SLC49A4: variants seen among roughly 807,000 people sequenced by gnomAD.
SLC49A4 encodes the protein disrupted in renal cancer protein 2.
In SLC49A4, 36 loss-of-function variants were observed where a neutral mutation model predicts 50.6. That is an observed-to-expected ratio of 0.71 (90% CI 0.55 to 0.94). SLC49A4 has a LOEUF of 0.94. Among genes scored for constraint, SLC49A4 ranks in the 40% least tolerant of loss-of-function variants. The probability of loss-of-function intolerance (pLI) is 0.00; values close to 1 mark genes in which losing one functional copy is unlikely to be tolerated. For missense variants in SLC49A4, 503 were observed against 605.7 expected (o/e 0.83, Z 1.78); for synonymous variants, 248 against 241.2 (o/e 1.03, Z -0.26).
chr3:122,833,528 G>T, intron 4 of SLC49A4, 82 bp downstream of exon 4: 1 of 1,361,208 alleles, frequency 7.3e-7, no homozygotes. Context: ...ATTTAAGATA[G>T]TAATTTTTCA....
intron 4 of SLC49A4, among the ~76,000 whole-genome samples, chr3:122,834,384 T>C (rs1471660169): frequency 1.3e-5 from 2 of 152,116 alleles, no homozygotes; most frequent in Non-Finnish European, 2.9e-5. Context: ...CACAGTGGAA[T>C]AAAACTAGAA....
At chr3:122,871,387 T>C (rs1937195393) in intron 7 of SLC49A4, among the ~76,000 whole-genome samples, 1 of 152,178 alleles carries the variant, frequency 6.6e-6, no homozygotes, top group Non-Finnish European at 1.5e-5. Context: ...GCATCAGTTA[T>C]GGTAAACTCT....
chr3:122,847,935 T>C (rs1270553554), intron 5 of SLC49A4, among the ~76,000 whole-genome samples: 1 of 152,208 alleles, frequency 6.6e-6, no homozygotes, highest in Non-Finnish European at 1.5e-5. Context: ...CAAAATAAAC[T>C]TCAAACTTAA....
At chr3:122,841,920 C>T (rs561980987) in intron 4 of SLC49A4, among the ~76,000 whole-genome samples, 2 of 144,866 alleles carry the variant, frequency 1.4e-5, no homozygotes, top group Admixed American at 1.4e-4. Flanking sequence ...GCACGTCGTA[C>T]ATTGCCTTTC....
At chr3:122,846,252 AG>A (rs1936848479) in intron 5 of SLC49A4, among the ~76,000 whole-genome samples, 1 of 152,168 alleles carries the variant, frequency 6.6e-6, no homozygotes, top group Non-Finnish European at 1.5e-5. Context: ...GCTCCAAATA[AG>A]GGTATTTCAT....
chr3:122,823,124 C>G (rs1287717784), intron 2 of SLC49A4, among the ~76,000 whole-genome samples: 1 of 152,152 alleles, frequency 6.6e-6, no homozygotes, highest in Non-Finnish European at 1.5e-5. Flanking sequence ...CACACCCTGC[C>G]CTCTACCCTC....
intron 7 of SLC49A4, among the ~76,000 whole-genome samples, chr3:122,870,571 G>A (rs1016755833): frequency 2.0e-5 from 3 of 150,938 alleles, no homozygotes; most frequent in Non-Finnish European, 3.0e-5. Context: ...CACTTTGGGG[G>A]GCTGAGGCAG....
At chr3:122,874,947 T>A (rs1937246867) in intron 8 of SLC49A4, among the ~76,000 whole-genome samples, 1 of 152,250 alleles carries the variant, frequency 6.6e-6, no homozygotes, top group Non-Finnish European at 1.5e-5. Context: ...AAAGAAATGC[T>A]TTTATATGTG....
chr3:122,815,874 T>TGGGATCCTGATTA (rs1936359938), intron 2 of SLC49A4, among the ~76,000 whole-genome samples: 1 of 152,224 alleles, frequency 6.6e-6, no homozygotes, highest in Non-Finnish European at 1.5e-5. Context: ...AAGATTACTT[T>TGGGATCCTGATTA]AGGGATCAAG....
At chr3:122,860,577 A>G (rs1937048559) in intron 7 of SLC49A4, among the ~76,000 whole-genome samples, 1 of 152,230 alleles carries the variant, frequency 6.6e-6, no homozygotes, top group African/African-American at 2.4e-5. Flanking sequence ...ATACTTCAGT[A>G]AAGTTATTTG....
chr3:122,865,761 A>G (rs1433638456), intron 7 of SLC49A4, among the ~76,000 whole-genome samples: 2 of 152,206 alleles, frequency 1.3e-5, no homozygotes, highest in Admixed American at 6.5e-5. Context: ...TAACTTTCCT[A>G]ACTTTATCAT....
intron 2 of SLC49A4, among the ~76,000 whole-genome samples, chr3:122,807,223 A>ATT (rs398106401): frequency 1.4e-5 from 1 of 70,820 alleles, no homozygotes; most frequent in African/African-American, 4.1e-5. Context: ...AATATAACAT[A>ATT]TTATATATAT....
chr3:122,822,371 G>C (rs1046948268), intron 2 of SLC49A4, among the ~76,000 whole-genome samples: 2 of 151,044 alleles, frequency 1.3e-5, no homozygotes, highest in Non-Finnish European at 3.0e-5. Context: ...AGTTCAGACT[G>C]TTCATTTAAG....
At chr3:122,799,240 G>GA (rs1332709863) in intron 1 of SLC49A4, among the ~76,000 whole-genome samples, 2 of 152,104 alleles carry the variant, frequency 1.3e-5, no homozygotes, top group East Asian at 3.9e-4. Flanking sequence ...TTGCTTTGGA[G>GA]AAAAATAAAG....
At chr3:122,866,601 A>G (rs1298636004) in intron 7 of SLC49A4, among the ~76,000 whole-genome samples, 1 of 152,190 alleles carries the variant, frequency 6.6e-6, no homozygotes, top group Non-Finnish European at 1.5e-5. Context: ...GACTTGGAGC[A>G]ACATAGCTTG....
rs138894794 is a variant in SLC49A4, at chr3:122,865,196, G to A, written c.1138+4994G>A. Among the ~76,000 whole-genome samples, 6 of 152,340 alleles carry A rather than the reference G, an allele frequency of 3.9e-5. No homozygotes were observed. The East Asian group carries it at 9.6e-4, about 24-fold the overall frequency. On this transcript the variant is annotated intron_variant, in intron 7 of 8. Coordinates refer to ENST00000261038, the MANE Select transcript of SLC49A4 (RefSeq NM_032839.3). ...AAGTAGAATATGGATTAAAAGAAGA[G>A]AATGGATTTGTGAAAAATCTTAATG...
chr3:122,816,632 CTTA>C (rs1477390049), intron 2 of SLC49A4, among the ~76,000 whole-genome samples: 2 of 152,156 alleles, frequency 1.3e-5, no homozygotes, highest in African/African-American at 4.8e-5. Context: ...ATATTTCTTT[CTTA>C]TTATTAGTCC....
intron 2 of SLC49A4, among the ~76,000 whole-genome samples, chr3:122,821,344 A>G (rs1936449775): frequency 6.6e-6 from 1 of 152,156 alleles, no homozygotes; most frequent in East Asian, 1.9e-4. Flanking sequence ...TAAGGAGGAA[A>G]AAAAGGGAAA....
At position 122,798,326 on chromosome 3, in the gene SLC49A4, C is replaced by A. The variant is rs184252303; in HGVS notation, c.343+2791C>A. 4.1e-4 allele frequency among the ~76,000 whole-genome samples: 63 copies of A among 152,188 alleles called. No individual in the cohort carries two copies. The East Asian group carries it at 0.011, about 27-fold the overall frequency. On this transcript the variant is annotated intron_variant, in intron 1 of 8. Coordinates refer to ENST00000261038, the MANE Select transcript of SLC49A4 (RefSeq NM_032839.3). The stretch of plus-strand genomic sequence containing the variant: ...TAGAAAAATGTTAATTTGCACCCTT[C>A]TTATTATAATTGTACCTACTATCCA...
Sources: allele counts gnomAD v4.1 joint callset (sites outside exome capture counted in the v4.1 genomes callset), GRCh38; gene constraint gnomAD v4.1.1; transcripts MANE v1.5; gene names NCBI Gene and HGNC (gene_info 2026-07-23, HGNC 2026-07-21).